Variants in SERPINB12 observed in about 807,000 individuals in gnomAD.
The protein encoded by SERPINB12 is serpin family B member 12, also known as serpin B12.
Under a neutral mutation model 41.1 loss-of-function variants are expected in SERPINB12, and 57 were observed. The observed-to-expected ratio is 1.39, with a 90% CI of 1.12 to 1.73. The LOEUF is 1.73. SERPINB12 is among the 40% of genes most tolerant of loss of function. The pLI, the probability that SERPINB12 is intolerant of heterozygous loss-of-function variation, is 0.00. For synonymous variants in SERPINB12, 180 were observed against 181.3 expected, an observed-to-expected ratio of 0.99 and a Z score of 0.06; for missense variants, 536 against 501.9, an observed-to-expected ratio of 1.07 and a Z score of -0.65.
chr18:63,543,185 C>T (rs991737068), intron 1 of SERPINB12, among the ~76,000 whole-genome samples: 15 of 152,134 alleles, frequency 9.9e-5, no homozygotes, highest in Non-Finnish European at 1.5e-5. Context: ...GGGCCTGTTA[C>T]ATATCAGGTC....
intron 3 of SERPINB12, among the ~76,000 whole-genome samples, chr18:63,559,058 C>CTTTCTTTCTTTTTCTT (rs778900558): frequency 2.8e-5 from 3 of 107,514 alleles, no homozygotes; most frequent in Non-Finnish European, 6.1e-5. Flanking sequence ...TTCTTTCTTT[C>CTTTCTTTCTTTTTCTT]TCTCCTTCTT....
intron 1 of SERPINB12, among the ~76,000 whole-genome samples, chr18:63,546,335 C>T (rs574325980): frequency 7.9e-5 from 12 of 152,298 alleles, no homozygotes; most frequent in African/African-American, 2.9e-4. Context: ...CAGTCAGTAA[C>T]ATAACACGAT....
chr18:63,558,797 A>G (rs1422039622), intron 3 of SERPINB12, among the ~76,000 whole-genome samples: 6 of 152,166 alleles, frequency 3.9e-5, no homozygotes, highest in African/African-American at 1.4e-4. Flanking sequence ...TAAAGGTGGT[A>G]AGGGGTAGGG....
chr18:63,557,853 G>A (rs1029212357), intron 2 of SERPINB12, among the ~76,000 whole-genome samples: 1 of 152,152 alleles, frequency 6.6e-6, no homozygotes, highest in Non-Finnish European at 1.5e-5. Flanking sequence ...GAACCACATA[G>A]TAATTTAAAA....
upstream of SERPINB12, among the ~76,000 whole-genome samples, chr18:63,541,526 T>G (rs1325080764): frequency 2.0e-5 from 3 of 152,176 alleles, no homozygotes; most frequent in Non-Finnish European, 4.4e-5. Flanking sequence ...TCAAAATATC[T>G]CAGAAAACCT....
At chr18:63,525,755 T>C in the SERPINB12 span, among the ~76,000 whole-genome samples, 1 of 152,158 alleles carries the variant, frequency 6.6e-6, no homozygotes, top group Non-Finnish European at 1.5e-5. Flanking sequence ...ACAGGTCGAG[T>C]CATTATTTCA....
intron 4 of SERPINB12, among the ~76,000 whole-genome samples, chr18:63,560,188 T>C (rs936845627): frequency 6.6e-6 from 1 of 152,134 alleles, no homozygotes; most frequent in Non-Finnish European, 1.5e-5. Flanking sequence ...AGGAGGAGAC[T>C]GCGTTTTGGC....
chr18:63,530,524 T>C, the SERPINB12 span, among the ~76,000 whole-genome samples: 1 of 152,212 alleles, frequency 6.6e-6, no homozygotes, highest in Non-Finnish European at 1.5e-5. Context: ...CCTAGAATGA[T>C]ACTTCTTTAA....
intron 4 of SERPINB12, 64 bp downstream of exon 4, chr18:63,559,782 A>G (rs775915922): frequency 2.2e-5 from 35 of 1,563,440 alleles, no homozygotes; most frequent in Middle Eastern, 3.4e-4. Context: ...ATCAGGGAGT[A>G]GCTGGGTTAC....
At chr18:63,544,946 G>A (rs1035530405) in intron 1 of SERPINB12, among the ~76,000 whole-genome samples, 19 of 152,062 alleles carry the variant, frequency 1.2e-4, no homozygotes, top group African/African-American at 4.3e-4. Flanking sequence ...ATGACAAAGA[G>A]CCCCTTTGTA....
chr18:63,551,240 A>G lies in SERPINB12; in HGVS notation c.-18-4902A>G, dbSNP rs1225209914. Among the ~76,000 whole-genome samples the G allele has an allele frequency of 2.6e-5, 4 of 151,964 alleles. 1 individual carries two copies. In the East Asian group the frequency reaches 5.8e-4, roughly 22 times the overall value. On this transcript the variant is annotated intron_variant, in intron 1 of 7. Transcript: ENST00000382768. The stretch of plus-strand genomic sequence containing the variant: ...GCCAAGATCACGCCACTGCACTCCA[A>G]CCTGGGCGACAGAGCGAGACTCCAT...
chr18:63,527,377 T>C, the SERPINB12 span, among the ~76,000 whole-genome samples: 1 of 152,196 alleles, frequency 6.6e-6, no homozygotes, highest in Non-Finnish European at 1.5e-5. Flanking sequence ...TTTCAGACTA[T>C]CAATCCTTCA....
Position 63,558,378 on chromosome 18 carries a change from G to A in SERPINB12, c.195G>A (p.Gln65=). 6.2e-7 allele frequency: 1 copy of A among 1,613,618 alleles called. No individual in the cohort carries two copies. The highest frequency in any genetic ancestry group is 1.1e-5 in the South Asian group (1 of 91,010). The change falls in exon 3 of 8, where the codon CAG becomes CAA. Residue 65 remains glutamine, a synonymous_variant. Transcript: ENST00000382768. ...DEVLHFNEFS[Q]NESKEPDPCL... is the part of the protein sequence containing the mutation. ...TACTACACTTCAACGAATTTTCCCA[G>A]AATGAAAGCAAAGAACCTGACCCTT...
upstream of SERPINB12, among the ~76,000 whole-genome samples, chr18:63,539,393 G>A (rs1910231669): frequency 6.6e-6 from 1 of 152,092 alleles, no homozygotes; most frequent in African/African-American, 2.4e-5. Flanking sequence ...TACTTTTTCA[G>A]CAAAGCTGAA....
At chr18:63,545,846 T>C (rs985167196) in intron 1 of SERPINB12, among the ~76,000 whole-genome samples, 1 of 152,116 alleles carries the variant, frequency 6.6e-6, no homozygotes, top group Non-Finnish European at 1.5e-5. Context: ...TCATAACCAA[T>C]GACTAGACTG....
Position 63,564,075 on chromosome 18 carries a change from C to T in SERPINB12, c.660C>T (p.Tyr220=), listed in dbSNP as rs118040091. ...ACTTCAAGGCCAAATGGGAAACATA[C>T]TTTGACCATGAAAACACGGTGGATG... ...AVYFKAKWET[Y]FDHENTVDAP... The change falls in exon 6 of 8, where the codon TAC becomes TAT. Residue 220 remains tyrosine, a synonymous_variant. Transcript: ENST00000382768. 2.5e-6 allele frequency: 4 copies of T among 1,614,080 alleles called. No individual in the cohort carries two copies. Among genetic ancestry groups the T allele is most frequent in the Middle Eastern group, 1.7e-4 (1 of 6,058 alleles).
the SERPINB12 span, among the ~76,000 whole-genome samples, chr18:63,520,787 TGA>T: frequency 6.6e-6 from 1 of 152,070 alleles, no homozygotes; most frequent in Non-Finnish European, 1.5e-5. Flanking sequence ...TAAGCTGAAG[TGA>T]ATAAACAGAT....
chr18:63,556,137 T>G lies in SERPINB12; in HGVS notation c.-18-5T>G. Reference sequence around the variant, plus strand: ...TTTCTCTTTCTCCTTTTTTTTTGGTTTTAGATCGTTATAAGTTTTACAATG... The same window carrying G: ...TTTCTCTTTCTCCTTTTTTTTTGGTGTTAGATCGTTATAAGTTTTACAATG... On this transcript the variant is annotated splice_region_variant and splice_polypyrimidine_tract_variant and intron_variant, in intron 1 of 7. Transcript: ENST00000382768. The G allele has an allele frequency of 6.2e-7, 1 of 1,600,208 alleles. No individual in the cohort carries two copies. The highest frequency in any genetic ancestry group is 1.1e-5 in the South Asian group (1 of 89,384).
Position 63,568,750 on chromosome 18 carries a change from G to A in SERPINB12, c.*1739G>A, listed in dbSNP as rs1200184073. Among the ~76,000 whole-genome samples the A allele has an allele frequency of 2.0e-5, 3 of 152,154 alleles. No individual in the cohort carries two copies. Among genetic ancestry groups the A allele is most frequent in the Admixed American group, 2.0e-4 (3 of 15,270 alleles). On this transcript the variant is annotated 3_prime_UTR_variant, in exon 8 of 8. Coordinates refer to ENST00000382768, the MANE Select transcript of SERPINB12 (RefSeq NM_001307928.2). ...CGCAGTTTTTTTGCAGAAGGCAGGT[G>A]AACCACACCTGCTCCCATGCTAGCC...
Sources: gnomAD v4.1 joint callset for allele counts (sites outside exome capture counted in the v4.1 genomes callset) on GRCh38, gnomAD v4.1.1 for gene constraint, MANE v1.5 for transcripts, NCBI Gene and HGNC (gene_info 2026-07-23, HGNC 2026-07-21) for gene names.